The following IL1RAPL2 variants were observed in gnomAD, a reference collection of about 807,000 sequenced individuals.
IL1RAPL2 encodes the protein interleukin 1 receptor accessory protein like 2.
A neutral mutation model predicts 44.1 loss-of-function variants in IL1RAPL2; 3 were observed. The observed-to-expected ratio is 0.07, with a 90% confidence interval of 0.03 to 0.18. The LOEUF (loss-of-function observed/expected upper bound fraction) is 0.18, where lower values mean the gene tolerates loss of function less well. IL1RAPL2 is among the 10% of genes least tolerant of loss of function. IL1RAPL2 has a pLI of 1.00. For missense variants in IL1RAPL2, 391 were observed against 496.4 expected (o/e 0.79, Z 2.02); for synonymous variants, 181 against 178.8 (o/e 1.01, Z -0.10).
At chrX:105,742,781 C>G (rs1376929484) in intron 8 of IL1RAPL2, among the ~76,000 whole-genome samples, 2 of 111,243 alleles carry the variant, frequency 1.8e-5, no homozygotes, top group Non-Finnish European at 3.8e-5. Context: ...CACCTGTATA[C>G]TCAATTGCCT....
chrX:104,834,499 C>G (rs754521028), intron 2 of IL1RAPL2, among the ~76,000 whole-genome samples: 12 of 111,485 alleles, frequency 1.1e-4, no homozygotes, highest in Non-Finnish European at 1.5e-4. Context: ...GAAAAATGGT[C>G]CCAAAACTGT....
At chrX:105,339,640 G>A (rs1256539133) in intron 5 of IL1RAPL2, among the ~76,000 whole-genome samples, 2 of 111,525 alleles carry the variant, frequency 1.8e-5, no homozygotes, top group Non-Finnish European at 3.8e-5. Context: ...TAAGCACAGA[G>A]CAGATATATC....
At chrX:105,538,821 T>A (rs751580306) in intron 6 of IL1RAPL2, among the ~76,000 whole-genome samples, 7 of 111,879 alleles carry the variant, frequency 6.3e-5, no homozygotes, top group Admixed American at 9.5e-5. Context: ...CTTCTGGAAC[T>A]GATAAACAGC....
intron 5 of IL1RAPL2, among the ~76,000 whole-genome samples, chrX:105,426,454 T>A (rs1260867950): frequency 1.8e-5 from 2 of 111,385 alleles, no homozygotes; most frequent in Admixed American, 1.9e-4. Context: ...TAAAGGCACC[T>A]ACATGAAAAC....
chrX:105,324,554 G>GT (rs1162904238), intron 5 of IL1RAPL2, among the ~76,000 whole-genome samples: 1 of 111,101 alleles, frequency 9.0e-6, no homozygotes, highest in Non-Finnish European at 1.9e-5. Flanking sequence ...ATATATGCAT[G>GT]TTTTTTCTTC....
chrX:105,126,261 T>A (rs1407609474), intron 2 of IL1RAPL2, among the ~76,000 whole-genome samples: 1 of 111,119 alleles, frequency 9.0e-6, no homozygotes, highest in Non-Finnish European at 1.9e-5. Flanking sequence ...TTGCTATTGA[T>A]CTATCATGTA....
chrX:104,987,117 T>TA (rs2030576364), intron 2 of IL1RAPL2, among the ~76,000 whole-genome samples: 1 of 111,967 alleles, frequency 8.9e-6, no homozygotes, highest in Non-Finnish European at 1.9e-5. Flanking sequence ...ATTTTGGTGG[T>TA]AAAAAATACA....
intron 1 of IL1RAPL2, among the ~76,000 whole-genome samples, chrX:104,655,868 C>T (rs919388783): frequency 9.0e-6 from 1 of 111,382 alleles, no homozygotes; most frequent in Non-Finnish European, 1.9e-5. Flanking sequence ...TTGGTCTATT[C>T]AGAGATTCAG....
rs754119508 is a variant in IL1RAPL2, at chrX:104,713,525, A to C, written c.82+54530A>C. Among the ~76,000 whole-genome samples, 483 of 111,080 alleles carry C rather than the reference A, an allele frequency of 4.3e-3. 2 individuals carry two copies. The highest frequency in any genetic ancestry group is 0.015 in the African/African-American group (457 of 30,681). ...TCTATACTCAGAGGCATGCAACCACAATCAAGATGGGGTTTGGTTGAATTC... is the reference window on the plus strand; with the variant it reads ...TCTATACTCAGAGGCATGCAACCACCATCAAGATGGGGTTTGGTTGAATTC... On this transcript the variant is annotated intron_variant, in intron 2 of 10. Coordinates refer to ENST00000372582, the MANE Select transcript of IL1RAPL2 (RefSeq NM_017416.2).
chrX:104,789,183 T>C (rs890141827), intron 2 of IL1RAPL2, among the ~76,000 whole-genome samples: 1 of 111,442 alleles, frequency 9.0e-6, no homozygotes, highest in Non-Finnish European at 1.9e-5. Flanking sequence ...TGTACAGGTT[T>C]GTTACTTGGG....
intron 6 of IL1RAPL2, among the ~76,000 whole-genome samples, chrX:105,684,910 C>G (rs1041832818): frequency 4.5e-5 from 5 of 112,013 alleles, no homozygotes; most frequent in African/African-American, 1.6e-4. Flanking sequence ...CCCAGGCAAA[C>G]AGGGTCTGGA....
At chrX:105,033,988 A>T (rs7892397) in intron 2 of IL1RAPL2, among the ~76,000 whole-genome samples, 4,285 of 111,352 alleles carry the variant, frequency 0.038, 231 homozygotes, top group African/African-American at 0.13. Context: ...GTTCCATCAC[A>T]GATACCCTTT....
intron 2 of IL1RAPL2, among the ~76,000 whole-genome samples, chrX:104,701,833 T>A (rs1931279305): frequency 8.9e-6 from 1 of 111,950 alleles, no homozygotes; most frequent in African/African-American, 3.2e-5. Flanking sequence ...ATATGGGTTT[T>A]AAGTCTTTTA....
intron 2 of IL1RAPL2, among the ~76,000 whole-genome samples, chrX:104,800,743 T>A: frequency 8.9e-6 from 1 of 112,861 alleles, no homozygotes; most frequent in Non-Finnish European, 1.9e-5. Context: ...AGTCTGTTAA[T>A]GCACTATCCC....
At chrX:104,913,983 G>C (rs941322626) in intron 2 of IL1RAPL2, among the ~76,000 whole-genome samples, 2 of 111,793 alleles carry the variant, frequency 1.8e-5, no homozygotes, top group African/African-American at 6.5e-5. Flanking sequence ...TAAGCAGTGT[G>C]TGCAGGTAAA....
chrX:105,665,358 T>C (rs2037752824), intron 6 of IL1RAPL2, among the ~76,000 whole-genome samples: 1 of 110,311 alleles, frequency 9.1e-6, no homozygotes, highest in African/African-American at 3.3e-5. Context: ...TGTGTGTGTG[T>C]GTGTGTGTGT....
At chrX:105,311,572 T>C (rs1364679806) in intron 5 of IL1RAPL2, among the ~76,000 whole-genome samples, 1 of 108,049 alleles carries the variant, frequency 9.3e-6, no homozygotes, top group Admixed American at 1.0e-4. Flanking sequence ...TTTGTTTTCA[T>C]TTATCCCCCA....
intron 2 of IL1RAPL2, among the ~76,000 whole-genome samples, chrX:105,018,037 G>C (rs919542459): frequency 9.0e-6 from 1 of 111,494 alleles, no homozygotes; most frequent in African/African-American, 3.3e-5. Context: ...CGTGTGCCTG[G>C]AATTCCCACA....
intron 5 of IL1RAPL2, among the ~76,000 whole-genome samples, chrX:105,418,113 T>C (rs2035747325): frequency 9.0e-6 from 1 of 111,086 alleles, no homozygotes; most frequent in African/African-American, 3.3e-5. Context: ...TTTTCAGCTT[T>C]AATGTGAACT....
Sources: gnomAD v4.1 joint callset for allele counts (sites outside exome capture counted in the v4.1 genomes callset) on GRCh38, gnomAD v4.1.1 for gene constraint, MANE v1.5 for transcripts, NCBI Gene and HGNC (gene_info 2026-07-23, HGNC 2026-07-21) for gene names.